The following GULP1 variants were observed in gnomAD, a reference collection of about 807,000 sequenced individuals.
The protein encoded by GULP1 is PTB domain-containing engulfment adapter protein 1.
Under a neutral mutation model 40.9 loss-of-function variants are expected in GULP1, and 19 were observed. That is an observed-to-expected ratio of 0.46 (90% confidence interval 0.32 to 0.68). GULP1 has a LOEUF of 0.68. GULP1 is among the 30% of genes least tolerant of loss of function. The pLI, the probability that GULP1 is intolerant of heterozygous loss-of-function variation, is 0.03. For synonymous variants in GULP1, 119 were observed against 117.6 expected (o/e 1.01, Z -0.08); for missense variants, 312 against 362.2 (o/e 0.86, Z 1.12).
chr2:188,575,006 T>C (rs1487136971), intron 9 of GULP1, among the ~76,000 whole-genome samples: 2 of 152,226 alleles, frequency 1.3e-5, no homozygotes, highest in Non-Finnish European at 2.9e-5. Flanking sequence ...GTCAGTCACT[T>C]ATATGTTATA....
At chr2:188,396,192 T>G (rs1235744830) in intron 2 of GULP1, among the ~76,000 whole-genome samples, 1 of 152,208 alleles carries the variant, frequency 6.6e-6, no homozygotes, top group Non-Finnish European at 1.5e-5. Flanking sequence ...GGGGAAGTAC[T>G]CTGGTTTCTT....
intron 2 of GULP1, among the ~76,000 whole-genome samples, chr2:188,398,537 TTA>T (rs1321145629): frequency 2.0e-5 from 3 of 152,298 alleles, no homozygotes; most frequent in Admixed American, 2.0e-4. Flanking sequence ...TTATGTATAT[TTA>T]TGTAGTATGT....
intron 7 of GULP1, among the ~76,000 whole-genome samples, chr2:188,547,056 A>G (rs1487751664): frequency 2.0e-5 from 3 of 152,086 alleles, no homozygotes; most frequent in East Asian, 1.9e-4. Flanking sequence ...TTATAAATTA[A>G]AAGTTATTAA....
At chr2:188,516,805 A>G (rs1245704226) in intron 4 of GULP1, among the ~76,000 whole-genome samples, 2 of 152,156 alleles carry the variant, frequency 1.3e-5, no homozygotes, top group Non-Finnish European at 2.9e-5. Context: ...CAATTCTTCA[A>G]TTGTTCTAGT....
At chr2:188,456,107 A>G (rs2059234929) in intron 2 of GULP1, among the ~76,000 whole-genome samples, 1 of 152,194 alleles carries the variant, frequency 6.6e-6, no homozygotes, top group Admixed American at 6.5e-5. Flanking sequence ...TCAGTTTCAA[A>G]TGGGAAATAG....
At chr2:188,423,945 A>T (rs1241955545) in intron 2 of GULP1, among the ~76,000 whole-genome samples, 1 of 151,828 alleles carries the variant, frequency 6.6e-6, no homozygotes, top group African/African-American at 2.4e-5. Context: ...TTTTAGTCCT[A>T]AAATATACCT....
chr2:188,567,452 G>T (rs774224811), intron 7 of GULP1, among the ~76,000 whole-genome samples: 1 of 152,188 alleles, frequency 6.6e-6, no homozygotes, highest in Non-Finnish European at 1.5e-5. Flanking sequence ...GGAATACTCT[G>T]CAGCCATAAA....
At chr2:188,433,138 G>A (rs1021726810) in intron 2 of GULP1, among the ~76,000 whole-genome samples, 3 of 152,072 alleles carry the variant, frequency 2.0e-5, no homozygotes, top group Non-Finnish European at 4.4e-5. Context: ...ACCATAACCA[G>A]ATGAAGTACT....
chr2:188,540,944 T>C (rs1459697980), intron 6 of GULP1, among the ~76,000 whole-genome samples: 1 of 152,174 alleles, frequency 6.6e-6, no homozygotes, highest in Non-Finnish European at 1.5e-5. Flanking sequence ...CATTTTGTAC[T>C]ATGCTTATGT....
At chr2:188,389,507 C>T (rs2050229721) in intron 2 of GULP1, among the ~76,000 whole-genome samples, 1 of 152,034 alleles carries the variant, frequency 6.6e-6, no homozygotes, top group South Asian at 2.1e-4. Context: ...TCTCTAAAAG[C>T]TGAGATAAAT....
Position 188,491,494 on chromosome 2 carries a change from C to G in GULP1, c.90+8002C>G, listed in dbSNP as rs532015162. 7.9e-5 allele frequency: 12 copies of G among 151,934 alleles called. No homozygotes were observed. The South Asian group carries it at 2.5e-3, about 32-fold the overall frequency. The allele number at this position is 151,934 out of a possible 1,614,324, so 9.4% of individuals were successfully genotyped here. A position where few individuals can be genotyped will look rare whatever the true frequency, so the allele number is the denominator to read the frequency against. ...GATTGTTAAGAGAAGTAAAATGTGG[C>G]AGAAAACACCAAGATTTTGGAAATA... On this transcript the variant is annotated intron_variant, in intron 4 of 11. Coordinates refer to ENST00000409830, the MANE Select transcript of GULP1 (RefSeq NM_016315.4).
At chr2:188,322,006 C>T (rs1005510008) in intron 1 of GULP1, among the ~76,000 whole-genome samples, 7 of 151,992 alleles carry the variant, frequency 4.6e-5, no homozygotes, top group Non-Finnish European at 7.4e-5. Context: ...GCCTGGACAA[C>T]AGGAGTGAAA....
rs898150792 is a variant in GULP1 at position 188,575,929 on chromosome 2, T to C, written c.609+5809T>C. Among the ~76,000 whole-genome samples the C allele has an allele frequency of 4.6e-5, 7 of 152,140 alleles. No individual in the cohort carries two copies. In the East Asian group the frequency reaches 1.2e-3, roughly 25 times the overall value. Reference sequence around the variant, plus strand: ...CCTATAATTCTACCTGTGGAGGTTATGAGCAGAGCTTGATTTTTGACACAT... The same window carrying C: ...CCTATAATTCTACCTGTGGAGGTTACGAGCAGAGCTTGATTTTTGACACAT... On this transcript the variant is annotated intron_variant, in intron 9 of 11. Transcript: ENST00000409830.
intron 2 of GULP1, among the ~76,000 whole-genome samples, chr2:188,400,141 C>CT (rs922146761): frequency 3.3e-5 from 5 of 151,942 alleles, no homozygotes; most frequent in Non-Finnish European, 7.4e-5. Context: ...GAGGATCCTT[C>CT]TTTTTTTTCC....
At chr2:188,353,930 C>T (rs1269167121) in intron 1 of GULP1, among the ~76,000 whole-genome samples, 1 of 151,994 alleles carries the variant, frequency 6.6e-6, no homozygotes, top group African/African-American at 2.4e-5. Context: ...CAGGGCAGAG[C>T]TGACATGGTA....
chr2:188,448,300 A>C (rs1173830649), intron 2 of GULP1, among the ~76,000 whole-genome samples: 1 of 152,184 alleles, frequency 6.6e-6, no homozygotes, highest in African/African-American at 2.4e-5. Flanking sequence ...GATCTGTATT[A>C]TTTCTTTTTT....
At chr2:188,338,095 A>T (rs1039138979) in intron 1 of GULP1, among the ~76,000 whole-genome samples, 4 of 152,106 alleles carry the variant, frequency 2.6e-5, no homozygotes, top group Admixed American at 6.6e-5. Context: ...TTTAATTTAA[A>T]GAGCAGGTTC....
At chr2:188,533,141 AT>A (rs531370663) in intron 6 of GULP1, among the ~76,000 whole-genome samples, 13 of 152,076 alleles carry the variant, frequency 8.5e-5, no homozygotes, top group African/African-American at 1.7e-4. Context: ...AATAAGGATA[AT>A]TTTTTTTCAT....
At chr2:188,426,413 T>C (rs530481326) in intron 2 of GULP1, among the ~76,000 whole-genome samples, 1 of 152,230 alleles carries the variant, frequency 6.6e-6, no homozygotes, top group South Asian at 2.1e-4. Context: ...TTAAAAGGTG[T>C]GAGACACTTA....
Sources: gnomAD v4.1 joint callset for allele counts (sites outside exome capture counted in the v4.1 genomes callset) on GRCh38, gnomAD v4.1.1 for gene constraint, MANE v1.5 for transcripts, NCBI Gene and HGNC (gene_info 2026-07-23, HGNC 2026-07-21) for gene names.